The following EFR3B variants were observed in gnomAD, a reference collection of about 807,000 sequenced individuals.
EFR3B encodes protein EFR3 homolog B.
Under a neutral mutation model 104.7 loss-of-function variants are expected in EFR3B, and 64 were observed. The observed-to-expected ratio is 0.61, with a 90% confidence interval of 0.50 to 0.75. The LOEUF is 0.75. Ranked by LOEUF, EFR3B falls within the 30% of genes least tolerant of loss-of-function variation. EFR3B has a pLI of 0.00. For missense variants in EFR3B, 750 were observed against 1,078.5 expected (o/e 0.70, Z 4.27); for synonymous variants, 385 against 417.9 (o/e 0.92, Z 0.96).
At chr2:25,090,609 C>T (rs1443741657) in intron 1 of EFR3B, among the ~76,000 whole-genome samples, 2 of 152,176 alleles carry the variant, frequency 1.3e-5, no homozygotes, top group Non-Finnish European at 2.9e-5. Context: ...AACCACAAAC[C>T]GGATGCCCCT....
chr2:25,081,905 T>C (rs929399155), intron 1 of EFR3B, among the ~76,000 whole-genome samples: 1 of 152,164 alleles, frequency 6.6e-6, no homozygotes, highest in South Asian at 2.1e-4. Context: ...AAGCATGATG[T>C]AGTTAGTGTT....
At chr2:25,094,339 A>C (rs1038708289) in intron 3 of EFR3B, among the ~76,000 whole-genome samples, 20 of 152,128 alleles carry the variant, frequency 1.3e-4, no homozygotes, top group Middle Eastern at 6.8e-3. Flanking sequence ...GACGAACAAC[A>C]AAAAAGTATA....
chr2:25,069,003 G>A (rs1397458902), intron 1 of EFR3B, among the ~76,000 whole-genome samples: 9 of 147,060 alleles, frequency 6.1e-5, no homozygotes. Flanking sequence ...GCGCGATCTT[G>A]GCTCACTGCA....
intron 20 of EFR3B, among the ~76,000 whole-genome samples, chr2:25,150,476 A>G (rs1052133718): frequency 1.3e-5 from 2 of 152,302 alleles, no homozygotes; most frequent in Admixed American, 6.5e-5. Context: ...TTTAAAATGC[A>G]TGTTACCTCT....
chr2:25,090,986 C>T (rs771249499), intron 1 of EFR3B, among the ~76,000 whole-genome samples: 2 of 152,060 alleles, frequency 1.3e-5, no homozygotes, highest in South Asian at 2.1e-4. Context: ...AGTAGGCGGG[C>T]GCAGCACCTG....
intron 1 of EFR3B, chr2:25,080,249 C>CA: frequency 1.8e-6 from 2 of 1,124,110 alleles, no homozygotes; most frequent in Non-Finnish European, 2.6e-6. Flanking sequence ...CCACCACCAA[C>CA]ATCAAGGAAG....
At position 25,118,726 on chromosome 2, in the gene EFR3B, CAAAAAAAAAAAAAA is replaced by C. The variant is rs869026900; in HGVS notation, c.364-2928_364-2915del. The stretch of plus-strand genomic sequence containing the variant: ...ACAACACAATGAGACCCTGTCTCTA[CAAAAAAAAAAAAAA>C]AAAAAAAAAAAAAAAAAAGGCAGGG... On this transcript the variant is annotated intron_variant, in intron 4 of 22. Transcript: ENST00000403714. Among the ~76,000 whole-genome samples the C allele has an allele frequency of 1.4e-3, 47 of 33,542 alleles. 1 individual carries two copies. The highest frequency in any genetic ancestry group is 5.2e-3 in the African/African-American group (40 of 7,658). 22.0% of individuals were successfully genotyped at this position (33,542 alleles called of 152,430 possible).
chr2:25,134,655 TC>T (rs1670473173), intron 12 of EFR3B, among the ~76,000 whole-genome samples: 1 of 150,028 alleles, frequency 6.7e-6, no homozygotes, highest in African/African-American at 2.5e-5. Context: ...TTCCCTCCCC[TC>T]CAGTCCACAC....
Position 25,073,640 on chromosome 2 carries a change from G to A in EFR3B, c.8-17685G>A, listed in dbSNP as rs143227732. On this transcript the variant is annotated intron_variant, in intron 1 of 22. Transcript: ENST00000403714. ...CCAAAGTGTTGGCATGAGCCACTGCGCCCAGCCCACTATGTAATGATTCTC... is the reference window on the plus strand; with the variant it reads ...CCAAAGTGTTGGCATGAGCCACTGCACCCAGCCCACTATGTAATGATTCTC... Among the ~76,000 whole-genome samples the A allele has an allele frequency of 1.1e-4, 17 of 152,158 alleles. No individual in the cohort carries two copies. The East Asian group carries it at 3.1e-3, about 28-fold the overall frequency.
At chr2:25,127,528 G>A (rs1670201961) in intron 5 of EFR3B, among the ~76,000 whole-genome samples, 1 of 152,152 alleles carries the variant, frequency 6.6e-6, no homozygotes, top group African/African-American at 2.4e-5. Context: ...TGATTAGTAT[G>A]TATTATTTTA....
chr2:25,137,250 C>A lies in EFR3B; in HGVS notation c.1561-91C>A. 1.4e-6 allele frequency: 2 copies of A among 1,424,860 alleles called. No homozygotes were observed. The highest frequency in any genetic ancestry group is 1.9e-6 in the Non-Finnish European group (2 of 1,050,270). 88.3% of individuals were successfully genotyped at this position (1,424,860 alleles called of 1,614,324 possible). ...GAGGAGGGGGCACACAGCCATCCTG[C>A]CCCCCTTCAGATTGGTCTTCCTCCG... On this transcript the variant is annotated intron_variant, in intron 14 of 22. Transcript: ENST00000403714. The surrounding 1 kb of genome is among the most constrained non-coding windows in gnomAD (Gnocchi z 4.7).
intron 4 of EFR3B, among the ~76,000 whole-genome samples, chr2:25,115,633 T>A (rs1669836509): frequency 6.6e-6 from 1 of 152,220 alleles, no homozygotes; most frequent in African/African-American, 2.4e-5. Flanking sequence ...AATTAAGGAC[T>A]AACTTAATTT....
intron 4 of EFR3B, among the ~76,000 whole-genome samples, chr2:25,117,001 C>T (rs1043497098): frequency 5.9e-5 from 9 of 152,214 alleles, no homozygotes; most frequent in South Asian, 2.1e-4. Flanking sequence ...AGACGCTGGC[C>T]GTGAGCAGCT....
At chr2:25,111,193 T>C (rs1001809852) in intron 4 of EFR3B, among the ~76,000 whole-genome samples, 2 of 152,354 alleles carry the variant, frequency 1.3e-5, no homozygotes, top group African/African-American at 4.8e-5. Flanking sequence ...CCTTTACAGA[T>C]GCCAAGTGTG....
chr2:25,071,614 A>G (rs1021750628), intron 1 of EFR3B, among the ~76,000 whole-genome samples: 1 of 152,098 alleles, frequency 6.6e-6, no homozygotes, highest in African/African-American at 2.4e-5. Flanking sequence ...CGTAACTTTC[A>G]TAGTTTTGGT....
chr2:25,145,102 A>T, intron 19 of EFR3B, 51 bp downstream of exon 19: 1 of 1,504,128 alleles, frequency 6.6e-7, no homozygotes, highest in Non-Finnish European at 9.1e-7. Flanking sequence ...TGTAGATTGG[A>T]CGCTGGACTC....
intron 4 of EFR3B, among the ~76,000 whole-genome samples, chr2:25,118,463 G>A (rs1024825755): frequency 3.9e-5 from 6 of 151,978 alleles, no homozygotes; most frequent in Admixed American, 2.6e-4. Flanking sequence ...ACACAGATAT[G>A]CCACATTTTC....
At position 25,050,243 on chromosome 2, in the gene EFR3B, A is replaced by G. The variant is rs143656841; in HGVS notation, c.7+7924A>G. Among the ~76,000 whole-genome samples, 295 of 152,244 alleles carry G rather than the reference A, an allele frequency of 1.9e-3. 2 individuals carry two copies. Among genetic ancestry groups the G allele is most frequent in the African/African-American group, 6.6e-3 (276 of 41,550 alleles). On this transcript the variant is annotated intron_variant, in intron 1 of 22. Transcript: ENST00000403714. ...AACTGTCAAAGGACTGATTTGCTCA[A>G]GTGATGTGAAGTGAAATCAAGCTGG...
intron 4 of EFR3B, among the ~76,000 whole-genome samples, chr2:25,109,355 T>C (rs1307939814): frequency 6.6e-6 from 1 of 152,046 alleles, no homozygotes; most frequent in Non-Finnish European, 1.5e-5. Context: ...AAAAACACAG[T>C]CCCACACACA....
Sources: allele counts gnomAD v4.1 joint callset (sites outside exome capture counted in the v4.1 genomes callset), GRCh38; gene constraint gnomAD v4.1.1; non-coding constraint Gnocchi (gnomAD v3.1); transcripts MANE v1.5; gene names NCBI Gene and HGNC (gene_info 2026-07-23, HGNC 2026-07-21).